Variants in RAB28 observed in about 807,000 individuals in gnomAD.
RAB28 encodes the protein ras-related protein Rab-28.
A neutral mutation model predicts 31.7 loss-of-function variants in RAB28; 24 were observed. That is an observed-to-expected ratio of 0.76 (90% confidence interval 0.55 to 1.06). The LOEUF (loss-of-function observed/expected upper bound fraction) is 1.06, where lower values mean the gene tolerates loss of function less well. Among genes scored for constraint, RAB28 ranks in the 50% least tolerant of loss-of-function variants. RAB28 has a pLI of 0.00. For missense variants in RAB28, 254 were observed against 258.5 expected (o/e 0.98, Z 0.12); for synonymous variants, 100 against 90.4 (o/e 1.11, Z -0.60).
intron 4 of RAB28, among the ~76,000 whole-genome samples, chr4:13,411,705 T>C (rs1712449877): frequency 6.6e-6 from 1 of 151,936 alleles, no homozygotes; most frequent in African/African-American, 2.4e-5. Context: ...TTAATTATAA[T>C]TGGAAAATAA....
At chr4:13,381,872 CATT>C (rs943952724) in intron 4 of RAB28, among the ~76,000 whole-genome samples, 5 of 152,008 alleles carry the variant, frequency 3.3e-5, no homozygotes, top group African/African-American at 1.2e-4. Context: ...TGTGCGCTAT[CATT>C]ATTATTATCA....
At chr4:13,395,588 CAGG>C (rs1560275616) in intron 4 of RAB28, among the ~76,000 whole-genome samples, 2 of 152,050 alleles carry the variant, frequency 1.3e-5, no homozygotes, top group Non-Finnish European at 2.9e-5. Context: ...ATTCCTTACT[CAGG>C]ATCTCCACTG....
At chr4:13,392,920 G>T (rs1729704076) in intron 4 of RAB28, among the ~76,000 whole-genome samples, 1 of 152,136 alleles carries the variant, frequency 6.6e-6, no homozygotes, top group African/African-American at 2.4e-5. Flanking sequence ...TCATAAGGTT[G>T]CTATAATGGA....
chr4:13,460,820 G>C lies in RAB28; in HGVS notation c.270C>G (p.Leu90=), dbSNP rs770815015. The change falls in exon 4 of 7, where the codon CTC becomes CTG. Residue 90 remains leucine (L), a synonymous_variant. Coordinates refer to ENST00000330852, the MANE Select transcript of RAB28 (RefSeq NM_001017979.3). The stretch of plus-strand genomic sequence containing the variant: ...GATAATTTGTAATATCATATACCAA[G>C]AGGACTCCCTGTCACAAAAGAGTTA... ...DKYIYGAQGV[L]LVYDITNYQS... 2 of 1,611,002 alleles carry C rather than the reference G, an allele frequency of 1.2e-6. No homozygotes were observed. The highest frequency in any genetic ancestry group is 2.2e-5 in the South Asian group (2 of 90,716).
At chr4:13,384,853 GA>G (rs1404025408) in intron 4 of RAB28, among the ~76,000 whole-genome samples, 1 of 152,154 alleles carries the variant, frequency 6.6e-6, no homozygotes, top group Admixed American at 6.5e-5. Context: ...CAAGGGTTCT[GA>G]ACTGGACTGA....
chr4:13,373,959 A>ATGTATG (rs574362033), intron 6 of RAB28, among the ~76,000 whole-genome samples: 2,063 of 151,296 alleles, frequency 0.014, 24 homozygotes, highest in Middle Eastern at 0.044. Flanking sequence ...GTATGTATGT[A>ATGTATG]TGTGTGTGTG....
chr4:13,438,084 T>C (rs767308093), intron 4 of RAB28, among the ~76,000 whole-genome samples: 4 of 152,108 alleles, frequency 2.6e-5, no homozygotes, highest in African/African-American at 4.8e-5. Context: ...CTAAGTCAAA[T>C]GTATTGGAGA....
intron 1 of RAB28, among the ~76,000 whole-genome samples, chr4:13,481,440 G>C (rs1417053631): frequency 1.3e-5 from 2 of 151,976 alleles, no homozygotes; most frequent in African/African-American, 4.8e-5. Flanking sequence ...TCAAGTCACT[G>C]TATAAATACC....
chr4:13,425,802 G>A (rs1031925809), intron 4 of RAB28, among the ~76,000 whole-genome samples: 2 of 152,066 alleles, frequency 1.3e-5, no homozygotes, highest in Non-Finnish European at 1.5e-5. Flanking sequence ...TGGTTTGGCT[G>A]TAACACATGT....
At chr4:13,383,275 T>C (rs969596696) in intron 4 of RAB28, among the ~76,000 whole-genome samples, 4 of 152,136 alleles carry the variant, frequency 2.6e-5, no homozygotes, top group African/African-American at 7.2e-5. Flanking sequence ...GAAATCACCA[T>C]CCATTAAAAA....
chr4:13,407,616 G>A (rs535690665), intron 4 of RAB28, among the ~76,000 whole-genome samples: 7 of 152,222 alleles, frequency 4.6e-5, no homozygotes, highest in African/African-American at 1.7e-4. Context: ...CCACTTTCGC[G>A]ATATTGATTC....
chr4:13,426,416 G>T (rs1308654655), intron 4 of RAB28, among the ~76,000 whole-genome samples: 1 of 152,088 alleles, frequency 6.6e-6, no homozygotes, highest in Non-Finnish European at 1.5e-5. Flanking sequence ...AAAAAAAATA[G>T]ATGCTTTCAA....
At chr4:13,460,024 G>T in intron 4 of RAB28, 1 of 655,948 alleles carries the variant, frequency 1.5e-6, no homozygotes, top group Non-Finnish European at 2.4e-6. Context: ...CATCAAAACA[G>T]TTATTGAAAA....
intron 2 of RAB28, among the ~76,000 whole-genome samples, chr4:13,475,458 A>G (rs1377744888): frequency 6.6e-6 from 1 of 151,688 alleles, no homozygotes; most frequent in African/African-American, 2.4e-5. Flanking sequence ...AAAGATATAA[A>G]TTTATAAGCC....
At chr4:13,476,565 AC>A (rs1357058964) in intron 2 of RAB28, among the ~76,000 whole-genome samples, 6 of 151,666 alleles carry the variant, frequency 4.0e-5, no homozygotes, top group African/African-American at 9.6e-5. Flanking sequence ...AACACATAAA[AC>A]TAAAAATAAA....
In RAB28 at chr4:13,403,091, G is replaced by A. The variant is rs138943379; in HGVS notation, c.392-21497C>T. On this transcript the variant is annotated intron_variant, in intron 4 of 6. Coordinates refer to ENST00000330852, the MANE Select transcript of RAB28 (RefSeq NM_001017979.3). Reference sequence around the variant, plus strand: ...ATTACAGGTGTGAGTCAGTGCGCCCGGACCCTGGCTCACATATTCTTTGAA... The same window carrying A: ...ATTACAGGTGTGAGTCAGTGCGCCCAGACCCTGGCTCACATATTCTTTGAA... 3.3e-3 allele frequency among the ~76,000 whole-genome samples: 504 copies of A among 152,212 alleles called. 2 individuals are homozygous for A. Among genetic ancestry groups the A allele is most frequent in the African/African-American group, 0.011 (457 of 41,524 alleles).
intron 4 of RAB28, among the ~76,000 whole-genome samples, chr4:13,402,438 T>C (rs1036956056): frequency 2.6e-5 from 4 of 152,236 alleles, no homozygotes; most frequent in African/African-American, 7.2e-5. Flanking sequence ...TGCGTTTATA[T>C]ACATTTAGAA....
chr4:13,440,724 T>C (rs1471612364), intron 4 of RAB28, among the ~76,000 whole-genome samples: 4 of 152,070 alleles, frequency 2.6e-5, no homozygotes, highest in African/African-American at 9.7e-5. Context: ...CCCTAATACC[T>C]AGTACCTCAG....
intron 6 of RAB28, chr4:13,371,355 T>G (rs1728705372): frequency 2.0e-6 from 2 of 985,224 alleles, no homozygotes; most frequent in South Asian, 9.4e-5. Context: ...ACCTAACTGT[T>G]TCATGCCAAA....
Sources: allele counts gnomAD v4.1 joint callset (sites outside exome capture counted in the v4.1 genomes callset), GRCh38; gene constraint gnomAD v4.1.1; transcripts MANE v1.5; gene names NCBI Gene and HGNC (gene_info 2026-07-23, HGNC 2026-07-21).